Variants in GPRC5B observed in about 807,000 individuals in gnomAD.
The protein encoded by GPRC5B is G protein-coupled receptor class C group 5 member B, also known as G protein-coupled receptor family C group 5 member B.
GPRC5B carries 16 observed loss-of-function variants against 30.1 expected under a neutral mutation model. That is an observed-to-expected ratio of 0.53 (90% confidence interval 0.36 to 0.81). The LOEUF is 0.81. Among genes scored for constraint, GPRC5B ranks in the 30% least tolerant of loss-of-function variants. GPRC5B has a pLI of 0.01. For missense variants in GPRC5B, 428 were observed against 544.7 expected (o/e 0.79, Z 2.13); for synonymous variants, 241 against 239.5 (o/e 1.01, Z -0.06).
chr16:19,877,148 T>A (rs2056764987), intron 1 of GPRC5B, among the ~76,000 whole-genome samples: 1 of 152,202 alleles, frequency 6.6e-6, no homozygotes, highest in South Asian at 2.1e-4. Flanking sequence ...AGGAAACAGC[T>A]ATGGGATGGA....
At chr16:19,870,132 C>A (rs917093862) in intron 2 of GPRC5B, among the ~76,000 whole-genome samples, 9 of 152,250 alleles carry the variant, frequency 5.9e-5, no homozygotes, top group Admixed American at 5.9e-4. Context: ...TGGACAGATG[C>A]CCCAGCCTCC....
intron 2 of GPRC5B, among the ~76,000 whole-genome samples, chr16:19,866,419 C>T (rs534586801): frequency 3.3e-5 from 5 of 152,002 alleles, no homozygotes; most frequent in East Asian, 1.9e-4. Flanking sequence ...TGCAGTGACG[C>T]GATCTCAGCT....
intron 2 of GPRC5B, among the ~76,000 whole-genome samples, chr16:19,866,438 C>T (rs989565241): frequency 6.6e-6 from 1 of 152,074 alleles, no homozygotes; most frequent in Non-Finnish European, 1.5e-5. Context: ...CTCACTGTAA[C>T]CTCTGCCTCC....
intron 1 of GPRC5B, among the ~76,000 whole-genome samples, chr16:19,883,381 A>T (rs2056822103): frequency 6.6e-6 from 1 of 152,214 alleles, no homozygotes; most frequent in African/African-American, 2.4e-5. Flanking sequence ...ACAGTCTTAG[A>T]TACCAAACTG....
At chr16:19,877,997 G>A (rs1382785374) in intron 1 of GPRC5B, among the ~76,000 whole-genome samples, 1 of 151,952 alleles carries the variant, frequency 6.6e-6, no homozygotes, top group East Asian at 2.0e-4. Flanking sequence ...ACAGAAGTTC[G>A]AGACCAGTCT....
chr16:19,861,764 T>C (rs766687109), intron 3 of GPRC5B, 73 bp downstream of exon 3: 64 of 1,297,918 alleles, frequency 4.9e-5, no homozygotes, highest in Non-Finnish European at 6.8e-5. Flanking sequence ...GAGGAGTATG[T>C]CCCTGTTGAA....
rs144388132 is a variant in GPRC5B, at chr16:19,866,957, T to C, written c.1030+4859A>G. On this transcript the variant is annotated intron_variant, in intron 2 of 3. Transcript: ENST00000300571. ...CTGGGTCCCAGAGCCCTTGCATCTCTGGATCTTATCTGGCTATAAAGTCTT... is the reference window on the plus strand; with the variant it reads ...CTGGGTCCCAGAGCCCTTGCATCTCCGGATCTTATCTGGCTATAAAGTCTT... Among the ~76,000 whole-genome samples, 1,290 of 152,354 alleles carry C rather than the reference T, an allele frequency of 8.5e-3. 6 individuals carry two copies. The highest frequency in any genetic ancestry group is 0.013 in the Admixed American group (200 of 15,304).
chr16:19,861,686 G>GAAAAA, intron 3 of GPRC5B, 151 bp downstream of exon 3: 1 of 643,032 alleles, frequency 1.6e-6, no homozygotes, highest in Non-Finnish European at 2.8e-6. Flanking sequence ...AGGGAAAGAA[G>GAAAAA]AAAAATAAAA....
At position 19,871,933 on chromosome 16, in the gene GPRC5B, G is replaced by C; in HGVS notation, c.913C>G (p.Pro305Ala). The C allele has an allele frequency of 5.6e-6, 9 of 1,614,062 alleles. No individual in the cohort carries two copies. Among genetic ancestry groups the C allele is most frequent in the Non-Finnish European group, 7.6e-6 (9 of 1,180,034 alleles). ...GGCTGCGACGTGTCGAAGTAGTTGG[G>C]CGTGTTCTCCTGCAGGGCTGGCAGA... The part of the protein sequence containing the change: ...TLLPALQENT[P>A]NYFDTSQPRM... The change falls in exon 2 of 4, where the codon CCC becomes GCC. Residue 305 changes from proline (P) to alanine (A), a missense_variant. Transcript: ENST00000300571.
At position 19,859,176 on chromosome 16, in the gene GPRC5B, G is replaced by C. The variant is rs1260514528; in HGVS notation, c.*1324C>G. 6.6e-6 allele frequency: 1 copy of C among 152,628 alleles called. No homozygotes were observed. The highest frequency in any genetic ancestry group is 2.4e-5 in the African/African-American group (1 of 41,436). 9.5% of individuals were successfully genotyped at this position (152,628 alleles called of 1,614,324 possible). Reference sequence around the variant, plus strand: ...CACCCTCATTTATACATTCCATGCCGTCAGGTTAAAACTCTGCTTTGAATC... The same window carrying C: ...CACCCTCATTTATACATTCCATGCCCTCAGGTTAAAACTCTGCTTTGAATC... On this transcript the variant is annotated 3_prime_UTR_variant, in exon 4 of 4. Coordinates refer to ENST00000300571, the MANE Select transcript of GPRC5B (RefSeq NM_016235.3).
In GPRC5B at chr16:19,884,803, C is replaced by A; in HGVS notation, c.-78G>T. 1 of 984,144 alleles carries A rather than the reference C, an allele frequency of 1.0e-6. No homozygotes were observed. Among genetic ancestry groups the A allele is most frequent in the Non-Finnish European group, 1.2e-6 (1 of 829,326 alleles). 61.0% of individuals were successfully genotyped at this position (984,144 alleles called of 1,614,324 possible). On this transcript the variant is annotated 5_prime_UTR_variant, in exon 1 of 4. Coordinates refer to ENST00000300571, the MANE Select transcript of GPRC5B (RefSeq NM_016235.3). The stretch of plus-strand genomic sequence containing the variant: ...TCACATCTCTGCGGCGCGGCCGCGG[C>A]CCCCGCTCCACGCACGCCCGCCTGC...
At chr16:19,870,946 T>G (rs2056712283) in intron 2 of GPRC5B, among the ~76,000 whole-genome samples, 1 of 150,440 alleles carries the variant, frequency 6.6e-6, no homozygotes. Flanking sequence ...AACCTGTATT[T>G]TTAAAATAAA....
chr16:19,866,351 ATTGTT>A (rs2056666661), intron 2 of GPRC5B, among the ~76,000 whole-genome samples: 1 of 151,458 alleles, frequency 6.6e-6, no homozygotes, highest in South Asian at 2.1e-4. Flanking sequence ...TTTGTTTATT[ATTGTT>A]TTATTTTATT....
At chr16:19,865,323 T>C (rs1346281805) in intron 2 of GPRC5B, among the ~76,000 whole-genome samples, 1 of 152,102 alleles carries the variant, frequency 6.6e-6, no homozygotes, top group Admixed American at 6.6e-5. Context: ...CTTCGATGCG[T>C]TTATCAAGGG....
At chr16:19,864,044 C>T (rs2056648179) in intron 2 of GPRC5B, among the ~76,000 whole-genome samples, 1 of 152,094 alleles carries the variant, frequency 6.6e-6, no homozygotes, top group African/African-American at 2.4e-5. Context: ...CAACTTACTT[C>T]AAGAAGCCCA....
At position 19,861,879 on chromosome 16, in the gene GPRC5B, C is replaced by A; in HGVS notation, c.1125G>T (p.Val375=). The A allele has an allele frequency of 1.9e-6, 3 of 1,613,418 alleles. No homozygotes were observed. The highest frequency in any genetic ancestry group is 3.4e-4 in the Middle Eastern group (2 of 5,916). The change falls in exon 3 of 4, where the codon GTG becomes GTT. Residue 375 remains valine, a synonymous_variant. Coordinates refer to ENST00000300571, the MANE Select transcript of GPRC5B (RefSeq NM_016235.3). ...KRPSAPFRSN[V]YQPTEMAVVL... is the part of the protein sequence containing the mutation. ...CGACGGCCATCTCAGTTGGCTGATA[C>A]ACGTTGCTTCTAAACGGAGCGCTGG...
rs989784624 is a variant in GPRC5B at position 19,860,284 on chromosome 16, C to G, written c.*216G>C. 5.3e-6 allele frequency: 3 copies of G among 562,508 alleles called. No individual in the cohort carries two copies. Among genetic ancestry groups the G allele is most frequent in the Non-Finnish European group, 9.6e-6 (3 of 314,116 alleles). 34.8% of individuals were successfully genotyped at this position (562,508 alleles called of 1,614,324 possible). ...TTGAGGTTGGTCTGGTATTACGTGT[C>G]TGTGTGTGTGGCAGGGGAGGGGCGG... On this transcript the variant is annotated 3_prime_UTR_variant, in exon 4 of 4. Coordinates refer to ENST00000300571, the MANE Select transcript of GPRC5B (RefSeq NM_016235.3).
At chr16:19,864,236 T>G (rs1257647932) in intron 2 of GPRC5B, among the ~76,000 whole-genome samples, 1 of 152,192 alleles carries the variant, frequency 6.6e-6, no homozygotes, top group Non-Finnish European at 1.5e-5. Flanking sequence ...CAAAGCCAAC[T>G]CGGGGCCTTC....
Position 19,872,820 on chromosome 16 carries a change from A to G in GPRC5B, c.26T>C (p.Met9Thr). 6.2e-7 allele frequency: 1 copy of G among 1,613,160 alleles called. No homozygotes were observed. The highest frequency in any genetic ancestry group is 8.5e-7 in the Non-Finnish European group (1 of 1,179,386). The change falls in exon 2 of 4, where the codon ATG becomes ACG. Residue 9 changes from methionine to threonine, a missense_variant. This residue lies in a region of GPRC5B where 196 missense variants were observed against 272.6 expected (regional missense o/e 0.72). Coordinates refer to ENST00000300571, the MANE Select transcript of GPRC5B (RefSeq NM_016235.3). The surrounding 1 kb of genome is among the most constrained non-coding windows in gnomAD (Gnocchi z 5.0). The part of the protein sequence containing the change: MFVASERK[M>T]RAHQVLTFLL... ...GAAGGTGAGCACCTGGTGAGCTCTC[A>G]TCTTTCTCTCTGATGCCACGAACAT...
Sources: allele counts gnomAD v4.1 joint callset (sites outside exome capture counted in the v4.1 genomes callset), GRCh38; gene constraint gnomAD v4.1.1; regional missense constraint gnomAD v4.1.1; non-coding constraint Gnocchi (gnomAD v3.1); transcripts MANE v1.5; gene names NCBI Gene and HGNC (gene_info 2026-07-23, HGNC 2026-07-21).